The following GNAT3 variants were observed in gnomAD, a reference collection of about 807,000 sequenced individuals.
GNAT3 encodes G protein subunit alpha transducin 3, also known as guanine nucleotide-binding protein G(t) subunit alpha-3.
A neutral mutation model predicts 37.7 loss-of-function variants in GNAT3; 31 were observed. That is an observed-to-expected ratio of 0.82 (90% confidence interval 0.62 to 1.11). GNAT3 has a LOEUF of 1.11. GNAT3 is among the 50% of genes most tolerant of loss of function. The pLI is 0.00. For synonymous variants in GNAT3, 138 were observed against 139.8 expected (o/e 0.99, Z 0.09); for missense variants, 437 against 412.5 (o/e 1.06, Z -0.51).
chr7:80,466,176 A>G (rs1790126764), intron 5 of GNAT3, among the ~76,000 whole-genome samples: 2 of 152,132 alleles, frequency 1.3e-5, no homozygotes, highest in Admixed American at 1.3e-4. Context: ...GTTTGTGCTA[A>G]GGGAGCCCGA....
At chr7:80,501,780 T>G (rs1251210711) in intron 1 of GNAT3, among the ~76,000 whole-genome samples, 1 of 151,968 alleles carries the variant, frequency 6.6e-6, no homozygotes, top group East Asian at 1.9e-4. Flanking sequence ...AGATGAATAT[T>G]GTATAAATAA....
chr7:80,495,854 T>C (rs1790707210), intron 1 of GNAT3, among the ~76,000 whole-genome samples: 1 of 152,188 alleles, frequency 6.6e-6, no homozygotes, highest in African/African-American at 2.4e-5. Context: ...ATGTCTTCTT[T>C]GAAAAATATC....
chr7:80,462,439 T>C, intron 6 of GNAT3, 63 bp downstream of exon 6: 1 of 1,583,148 alleles, frequency 6.3e-7, no homozygotes, highest in East Asian at 2.2e-5. Context: ...GGCAATGTGG[T>C]AGTACTACTG....
chr7:80,503,610 A>G (rs2116226655), intron 1 of GNAT3, among the ~76,000 whole-genome samples: 1 of 152,304 alleles, frequency 6.6e-6, no homozygotes, highest in South Asian at 2.1e-4. Flanking sequence ...ACTTTTGGAC[A>G]ATGGAGAGGG....
At chr7:80,510,571 A>G (rs1791047582) in intron 1 of GNAT3, among the ~76,000 whole-genome samples, 1 of 152,160 alleles carries the variant, frequency 6.6e-6, no homozygotes, top group Non-Finnish European at 1.5e-5. Flanking sequence ...ACAGAATTCT[A>G]TGGTGTGTTA....
chr7:80,474,935 A>G (rs1397586441), intron 4 of GNAT3, among the ~76,000 whole-genome samples: 1 of 152,164 alleles, frequency 6.6e-6, no homozygotes. Context: ...TTATTTTTGC[A>G]TGAATTTGCC....
At chr7:80,509,938 T>C (rs1791032177) in intron 1 of GNAT3, among the ~76,000 whole-genome samples, 2 of 152,292 alleles carry the variant, frequency 1.3e-5, no homozygotes, top group Admixed American at 1.3e-4. Flanking sequence ...TCTAGCTAAT[T>C]AACAAATGTA....
intron 4 of GNAT3, among the ~76,000 whole-genome samples, chr7:80,478,266 C>T (rs983105860): frequency 6.6e-6 from 1 of 152,096 alleles, no homozygotes; most frequent in African/African-American, 2.4e-5. Flanking sequence ...TGTCACAAGC[C>T]CCTAATTTCC....
chr7:80,459,360 C>A (rs1490576581), intron 7 of GNAT3, among the ~76,000 whole-genome samples: 1 of 152,036 alleles, frequency 6.6e-6, no homozygotes, highest in Non-Finnish European at 1.5e-5. Flanking sequence ...ACAGACTGAG[C>A]TTTGAAGAAT....
intron 4 of GNAT3, among the ~76,000 whole-genome samples, chr7:80,478,005 C>A (rs562452090): frequency 6.6e-6 from 1 of 152,118 alleles, no homozygotes; most frequent in East Asian, 1.9e-4. Context: ...TGACCTCCTG[C>A]GCTCAAGCAA....
intron 5 of GNAT3, 90 bp downstream of exon 5, chr7:80,474,161 C>A (rs979392329): frequency 2.5e-5 from 33 of 1,296,980 alleles, no homozygotes; most frequent in Non-Finnish European, 2.9e-5. Context: ...GATTATTGAA[C>A]CTGAACATGG....
chr7:80,478,952 C>T lies in GNAT3; in HGVS notation c.350G>A (p.Gly117Asp). ...CTCAGCCAGTTGAGGTGTCATGCCA[C>T]CATCTTCCAGGGTATTTGCCATTGC... is the stretch of plus-strand genomic sequence containing the variant. The part of the protein sequence containing the change: ...LYAMANTLED[G>D]GMTPQLAEVI... Residue 117 changes from glycine to aspartate, a missense_variant, in exon 4 of 8, where the codon GGT (glycine) becomes GAT (aspartate). Coordinates refer to ENST00000398291, the MANE Select transcript of GNAT3 (RefSeq NM_001102386.3). The T allele has an allele frequency of 6.2e-7, 1 of 1,613,048 alleles. No homozygotes were observed. Among genetic ancestry groups the T allele is most frequent in the Non-Finnish European group, 8.5e-7 (1 of 1,179,378 alleles).
chr7:80,458,769 T>C lies in GNAT3; in HGVS notation c.967A>G (p.Met323Val). 7.5e-6 allele frequency: 12 copies of C among 1,598,920 alleles called. No homozygotes were observed. Among genetic ancestry groups the C allele is most frequent in the Non-Finnish European group, 1.0e-5 (12 of 1,171,044 alleles). Residue 323 changes from methionine (M) to valine (V), a missense_variant, in exon 8 of 8, where the codon ATG becomes GTG. By Grantham distance (21) the Met-to-Val change is conservative. Coordinates refer to ENST00000398291, the MANE Select transcript of GNAT3 (RefSeq NM_001102386.3). ...TTTTGGGTGTCAGTAGCACAGGTCA[T>C]GTGGGAATAAATTTCCTTATCTTCT... ...KKEDKEIYSH[M>V]TCATDTQNVK...
At chr7:80,494,699 A>C in intron 1 of GNAT3, 52 bp from the exon 2 acceptor site, 1 of 1,036,174 alleles carries the variant, frequency 9.7e-7, no homozygotes, top group Admixed American at 2.1e-5. Flanking sequence ...ATTTGAATAG[A>C]TATTAAAAAC....
chr7:80,462,780 G>A, intron 5 of GNAT3, 149 bp from the exon 6 acceptor site: 1 of 559,532 alleles, frequency 1.8e-6, no homozygotes, highest in Non-Finnish European at 2.9e-6. Flanking sequence ...AAATTTATTT[G>A]GTCAAATGGC....
intron 3 of GNAT3, among the ~76,000 whole-genome samples, chr7:80,485,036 C>A (rs1038288324): frequency 2.0e-5 from 3 of 152,066 alleles, no homozygotes; most frequent in Admixed American, 1.3e-4. Flanking sequence ...CTCTCAAGAC[C>A]TTTCAATGTG....
chr7:80,506,619 GT>G (rs1282320648), intron 1 of GNAT3, among the ~76,000 whole-genome samples: 2 of 152,150 alleles, frequency 1.3e-5, no homozygotes, highest in African/African-American at 4.8e-5. Flanking sequence ...AACTCTCCAA[GT>G]AGGTCTTTTC....
intron 3 of GNAT3, among the ~76,000 whole-genome samples, chr7:80,485,509 T>G (rs1462030459): frequency 6.6e-6 from 1 of 152,180 alleles, no homozygotes; most frequent in Non-Finnish European, 1.5e-5. Context: ...GCTCCACATA[T>G]AGCTGCACAG....
chr7:80,480,658 C>T lies in GNAT3; in HGVS notation c.304-1660G>A, dbSNP rs565765410. Among the ~76,000 whole-genome samples the T allele has an allele frequency of 2.0e-5, 3 of 152,206 alleles. No homozygotes were observed. The East Asian group carries it at 5.8e-4, about 29-fold the overall frequency. ...TAAACAAGGGGTGGATTATTCATGCCTCCCCTTGTTAGAGCATATAGGGTA... is the reference window on the plus strand; with the variant it reads ...TAAACAAGGGGTGGATTATTCATGCTTCCCCTTGTTAGAGCATATAGGGTA... On this transcript the variant is annotated intron_variant, in intron 3 of 7. Coordinates refer to ENST00000398291, the MANE Select transcript of GNAT3 (RefSeq NM_001102386.3).
Sources: allele counts gnomAD v4.1 joint callset (sites outside exome capture counted in the v4.1 genomes callset), GRCh38; gene constraint gnomAD v4.1.1; transcripts MANE v1.5; gene names NCBI Gene and HGNC (gene_info 2026-07-23, HGNC 2026-07-21).